Variants in STK32B observed in about 807,000 individuals in gnomAD.
STK32B encodes the protein serine/threonine-protein kinase 32B.
In STK32B, 43 loss-of-function variants were observed where a neutral mutation model predicts 52.6. That is an observed-to-expected ratio of 0.82 (90% CI 0.64 to 1.05). STK32B has a LOEUF of 1.05. Among genes scored for constraint, STK32B ranks in the 50% least tolerant of loss-of-function variants. STK32B has a pLI of 0.00. For missense variants in STK32B, 621 were observed against 534.6 expected, an observed-to-expected ratio of 1.16 and a Z score of -1.59; for synonymous variants, 238 against 204.3, an observed-to-expected ratio of 1.17 and a Z score of -1.41.
At chr4:5,468,393 G>A (rs1399904923) in intron 11 of STK32B, among the ~76,000 whole-genome samples, 2 of 152,186 alleles carry the variant, frequency 1.3e-5, no homozygotes, top group Non-Finnish European at 2.9e-5. Context: ...AGAGCGCTGG[G>A]GTCAAGTTGC....
In STK32B at chr4:5,285,230, G is replaced by T. The variant is rs555986064; in HGVS notation, c.261-45990G>T. On this transcript the variant is annotated intron_variant, in intron 3 of 11. Coordinates refer to ENST00000282908, the MANE Select transcript of STK32B (RefSeq NM_018401.3). ...CGGTCGACAGTAGGCTCTTAGTAAA[G>T]TCTTAAGGCAGTCAAAAATTATACA... 2.0e-5 allele frequency among the ~76,000 whole-genome samples: 3 copies of T among 152,258 alleles called. No homozygotes were observed. The East Asian group carries it at 5.8e-4, about 29-fold the overall frequency.
intron 6 of STK32B, among the ~76,000 whole-genome samples, chr4:5,421,210 C>T (rs947271213): frequency 4.6e-5 from 7 of 152,196 alleles, no homozygotes; most frequent in Admixed American, 3.3e-4. Flanking sequence ...CTGCCTTAGC[C>T]TCCCAAGTAG....
At chr4:5,133,519 TACCTGCCTGGC>T (rs111319336) in intron 1 of STK32B, among the ~76,000 whole-genome samples, 1,947 of 152,278 alleles carry the variant, frequency 0.013, 47 homozygotes, top group African/African-American at 0.043. Context: ...AACACAGCAC[TACCTGCCTGGC>T]ACCTGGATTC....
At position 5,396,612 on chromosome 4, in the gene STK32B, A is replaced by G. The variant is rs1461422901; in HGVS notation, c.435-1595A>G. 2.0e-5 allele frequency among the ~76,000 whole-genome samples: 3 copies of G among 152,114 alleles called. No homozygotes were observed. Among genetic ancestry groups the G allele is most frequent in the African/African-American group, 7.2e-5 (3 of 41,490 alleles). On this transcript the variant is annotated intron_variant, in intron 4 of 11. Transcript: ENST00000282908. This position sits in a 1 kb window ranked among gnomAD's most constrained non-coding sequence, Gnocchi z 4.7. ...TCTTTAGGCTGTGGCCCTTGTAGGCATTTTGTAGCTCACATTCCCTGGGCC... is the reference window on the plus strand; with the variant it reads ...TCTTTAGGCTGTGGCCCTTGTAGGCGTTTTGTAGCTCACATTCCCTGGGCC...
rs115873384 is a variant in STK32B at position 5,128,245 on chromosome 4, A to G, written c.53-11660A>G. Among the ~76,000 whole-genome samples the G allele has an allele frequency of 4.8e-3, 735 of 152,326 alleles. 3 individuals carry two copies. Among genetic ancestry groups the G allele is most frequent in the African/African-American group, 0.017 (710 of 41,570 alleles). ...CAATGAATTTCTGTTGTTTTAAGCC[A>G]TGTAATTGGTGGTAGCTTGTTACAA... On this transcript the variant is annotated intron_variant, in intron 1 of 11. Coordinates refer to ENST00000282908, the MANE Select transcript of STK32B (RefSeq NM_018401.3).
intron 1 of STK32B, among the ~76,000 whole-genome samples, chr4:5,114,960 C>G (rs1714636173): frequency 6.6e-6 from 1 of 152,182 alleles, no homozygotes; most frequent in Non-Finnish European, 1.5e-5. Context: ...GAGAGAGCCA[C>G]TGTTCAAACA....
intron 6 of STK32B, among the ~76,000 whole-genome samples, chr4:5,434,019 T>C (rs1011577411): frequency 2.0e-5 from 3 of 152,218 alleles, no homozygotes; most frequent in East Asian, 1.9e-4. Flanking sequence ...TTTCAAACTT[T>C]CATTGGCGGA....
At chr4:5,429,064 T>G (rs76703908) in intron 6 of STK32B, among the ~76,000 whole-genome samples, 3,594 of 152,300 alleles carry the variant, frequency 0.024, 133 homozygotes, top group African/African-American at 0.081. Flanking sequence ...AAGTTAGCAA[T>G]GAGACATCAT....
In STK32B at chr4:5,466,026, G is replaced by A. The variant is rs548062951; in HGVS notation, c.910-677G>A. The stretch of plus-strand genomic sequence containing the variant: ...CAGAACTGGGATTTTTCCCCTGTGC[G>A]CGCCAAAGCTGCTGTTATAGCCACC... On this transcript the variant is annotated intron_variant, in intron 9 of 11. Coordinates refer to ENST00000282908, the MANE Select transcript of STK32B (RefSeq NM_018401.3). Among the ~76,000 whole-genome samples, 50 of 152,316 alleles carry A rather than the reference G, an allele frequency of 3.3e-4. No homozygotes were observed. In the South Asian group the frequency reaches 5.2e-3, roughly 16 times the overall value.
chr4:5,155,226 C>T (rs773041894), intron 2 of STK32B, among the ~76,000 whole-genome samples: 37 of 152,188 alleles, frequency 2.4e-4, no homozygotes, highest in African/African-American at 7.5e-4. Flanking sequence ...CCACCCTCTT[C>T]GTCTCCACCT....
intron 3 of STK32B, among the ~76,000 whole-genome samples, chr4:5,254,451 T>C (rs1299446835): frequency 6.6e-6 from 1 of 152,200 alleles, no homozygotes; most frequent in African/African-American, 2.4e-5. Flanking sequence ...TCCTAATTTT[T>C]GTATATAAAT....
intron 3 of STK32B, among the ~76,000 whole-genome samples, chr4:5,262,060 C>T (rs983836210): frequency 3.9e-5 from 6 of 152,286 alleles, no homozygotes; most frequent in East Asian, 1.9e-4. Flanking sequence ...GCTGATTCTC[C>T]GTCGTGCCTC....
intron 11 of STK32B, among the ~76,000 whole-genome samples, chr4:5,477,471 G>T (rs953128438): frequency 6.6e-6 from 1 of 152,162 alleles, no homozygotes; most frequent in Non-Finnish European, 1.5e-5. Context: ...GAATGGCTCA[G>T]AGTCCATTAT....
At chr4:5,277,962 T>A (rs1329802234) in intron 3 of STK32B, among the ~76,000 whole-genome samples, 1 of 152,200 alleles carries the variant, frequency 6.6e-6, no homozygotes. Context: ...GAAACGAAAC[T>A]GTTTTTAATG....
chr4:5,277,092 C>A (rs185528321), intron 3 of STK32B, among the ~76,000 whole-genome samples: 57 of 152,290 alleles, frequency 3.7e-4, no homozygotes, highest in African/African-American at 1.4e-3. Flanking sequence ...ACATGTGGGG[C>A]ATTCGAAAGA....
At chr4:5,165,819 A>G (rs936075313) in intron 2 of STK32B, among the ~76,000 whole-genome samples, 3 of 152,202 alleles carry the variant, frequency 2.0e-5, no homozygotes, top group African/African-American at 7.2e-5. Context: ...CTTCGACCTC[A>G]TGCCGTAAAT....
intron 4 of STK32B, among the ~76,000 whole-genome samples, chr4:5,345,088 A>T (rs1733362225): frequency 6.6e-6 from 1 of 151,958 alleles, no homozygotes. Context: ...CCATTTCTCT[A>T]CAAAACTGTC....
At chr4:5,125,044 A>G (rs1028964395) in intron 1 of STK32B, among the ~76,000 whole-genome samples, 2 of 152,186 alleles carry the variant, frequency 1.3e-5, no homozygotes, top group Non-Finnish European at 2.9e-5. Context: ...GCAGTATACT[A>G]GACAAGCCTC....
rs11930847 is a variant in STK32B, at chr4:5,446,665, G to A, written c.563-8G>A. On this transcript the variant is annotated splice_polypyrimidine_tract_variant and splice_region_variant and intron_variant, in intron 6 of 11. Coordinates refer to ENST00000282908, the MANE Select transcript of STK32B (RefSeq NM_018401.3). Reference sequence around the variant, plus strand: ...ACAATGATGTTCTCCTTGTCCTCTCGTTGGCAGCTCCAGAAGTATTCCAGG... The same window carrying A: ...ACAATGATGTTCTCCTTGTCCTCTCATTGGCAGCTCCAGAAGTATTCCAGG... The A allele has an allele frequency of 4.1e-3, 6,554 of 1,613,450 alleles. 267 individuals carry two copies. In the African/African-American group the frequency reaches 0.075, roughly 18 times the overall value.
Sources: allele counts gnomAD v4.1 joint callset (sites outside exome capture counted in the v4.1 genomes callset), GRCh38; gene constraint gnomAD v4.1.1; non-coding constraint Gnocchi (gnomAD v3.1); transcripts MANE v1.5; gene names NCBI Gene and HGNC (gene_info 2026-07-23, HGNC 2026-07-21).